CD2AP: variants seen among roughly 807,000 people sequenced by gnomAD.
CD2AP encodes CD2-associated protein.
Under a neutral mutation model 85.1 loss-of-function variants are expected in CD2AP, and 46 were observed. The observed-to-expected ratio is 0.54, with a 90% CI of 0.43 to 0.69. CD2AP has a LOEUF of 0.69. Ranked by LOEUF, CD2AP falls within the 30% of genes least tolerant of loss-of-function variation. The probability of loss-of-function intolerance (pLI) is 0.00; values close to 1 mark genes in which losing one functional copy is unlikely to be tolerated. For synonymous variants in CD2AP, 255 were observed against 252.9 expected, an observed-to-expected ratio of 1.01 and a Z score of -0.08; for missense variants, 769 against 729.5, an observed-to-expected ratio of 1.05 and a Z score of -0.62.
chr6:47,536,864 T>C (rs1346306460), intron 3 of CD2AP, among the ~76,000 whole-genome samples: 3 of 152,096 alleles, frequency 2.0e-5, no homozygotes, highest in African/African-American at 7.2e-5. Flanking sequence ...GTAAATAAAT[T>C]GACGTGTTTC....
At chr6:47,487,490 A>T (rs1262579332) in intron 1 of CD2AP, among the ~76,000 whole-genome samples, 1 of 152,162 alleles carries the variant, frequency 6.6e-6, no homozygotes, top group Non-Finnish European at 1.5e-5. Context: ...GGAGATCGAG[A>T]CCATCCTGGC....
At chr6:47,532,274 T>TGGA (rs1402547176) in intron 2 of CD2AP, among the ~76,000 whole-genome samples, 4 of 147,554 alleles carry the variant, frequency 2.7e-5, no homozygotes, top group African/African-American at 1.0e-4. Flanking sequence ...GCCCAGAAGG[T>TGGA]GGAGGCTGCA....
intron 2 of CD2AP, among the ~76,000 whole-genome samples, chr6:47,508,547 T>G (rs1211651736): frequency 3.4e-5 from 2 of 58,130 alleles, no homozygotes; most frequent in Non-Finnish European, 7.4e-5. Context: ...TTTTTTTTTG[T>G]TTTTTTTTTT....
At chr6:47,544,782 A>G in intron 4 of CD2AP, 76 bp downstream of exon 4, 1 of 886,322 alleles carries the variant, frequency 1.1e-6, no homozygotes, top group South Asian at 1.4e-5. Flanking sequence ...TAATTGTAAG[A>G]ATATTAGTCT....
chr6:47,586,123 T>A (rs1263772002), intron 11 of CD2AP, among the ~76,000 whole-genome samples: 1 of 152,098 alleles, frequency 6.6e-6, no homozygotes, highest in Non-Finnish European at 1.5e-5. Context: ...ATGGTGGAGA[T>A]AGAAGGCAAG....
rs1765714924 is a variant in CD2AP at position 47,490,913 on chromosome 6, A to C, written c.5-12367A>C. On this transcript the variant is annotated intron_variant, in intron 1 of 17. Transcript: ENST00000359314. ...TGACTAGATTTACTTATCTCTGTTGAAAAACATGTAAGAAATGCTGCTTAT... is the reference window on the plus strand; with the variant it reads ...TGACTAGATTTACTTATCTCTGTTGCAAAACATGTAAGAAATGCTGCTTAT... 2.0e-5 allele frequency among the ~76,000 whole-genome samples: 3 copies of C among 152,160 alleles called. No homozygotes were observed. The South Asian group carries it at 6.2e-4, about 31-fold the overall frequency.
intron 5 of CD2AP, among the ~76,000 whole-genome samples, chr6:47,558,099 GA>G (rs1282505958): frequency 1.3e-5 from 2 of 152,106 alleles, no homozygotes; most frequent in East Asian, 1.9e-4. Context: ...TTGTGAATGG[GA>G]GTTTGCTCAT....
At chr6:47,522,362 C>A (rs949155113) in intron 2 of CD2AP, among the ~76,000 whole-genome samples, 1 of 152,158 alleles carries the variant, frequency 6.6e-6, no homozygotes, top group Non-Finnish European at 1.5e-5. Context: ...AACAGTGAAG[C>A]AGTTTGTTTT....
intron 2 of CD2AP, among the ~76,000 whole-genome samples, chr6:47,512,335 C>T (rs1190665148): frequency 6.6e-6 from 1 of 152,082 alleles, no homozygotes; most frequent in Admixed American, 6.6e-5. Flanking sequence ...GAACGAGACT[C>T]TGTCTCAAAA....
chr6:47,561,815 C>T (rs1026305066), intron 5 of CD2AP, among the ~76,000 whole-genome samples: 7 of 152,294 alleles, frequency 4.6e-5, no homozygotes, highest in Admixed American at 2.6e-4. Flanking sequence ...GAGTCTCGCT[C>T]TGTCACACAG....
At chr6:47,596,598 C>CT (rs1399165505) in intron 12 of CD2AP, among the ~76,000 whole-genome samples, 9 of 151,998 alleles carry the variant, frequency 5.9e-5, no homozygotes, top group Non-Finnish European at 8.8e-5. Flanking sequence ...GGCTTGCTTT[C>CT]TTTTTTTATG....
At chr6:47,609,073 C>T (rs765923743) in intron 15 of CD2AP, 50 bp from the exon 16 acceptor site, 11 of 1,356,154 alleles carry the variant, frequency 8.1e-6, no homozygotes, top group Middle Eastern at 2.6e-4. Context: ...ATCTTTCGAA[C>T]GTAAATATAA....
At chr6:47,502,702 C>T (rs1317046689) in intron 1 of CD2AP, among the ~76,000 whole-genome samples, 3 of 151,834 alleles carry the variant, frequency 2.0e-5, no homozygotes, top group South Asian at 2.1e-4. Flanking sequence ...CCAGGTTGGC[C>T]GGGGTGGTCT....
chr6:47,570,141 C>T (rs1768110116), intron 5 of CD2AP, among the ~76,000 whole-genome samples: 1 of 146,994 alleles, frequency 6.8e-6, no homozygotes, highest in Admixed American at 6.8e-5. Context: ...CATCAGATTT[C>T]TTTTTTTTTT....
chr6:47,611,582 T>TA (rs2114153027), intron 16 of CD2AP, among the ~76,000 whole-genome samples: 1 of 152,038 alleles, frequency 6.6e-6, no homozygotes, highest in Non-Finnish European at 1.5e-5. Flanking sequence ...ATTCCTTCCT[T>TA]ATGTATTTTT....
In CD2AP at chr6:47,580,587, T is replaced by C. The variant is rs12203295; in HGVS notation, c.1009-277T>C. On this transcript the variant is annotated intron_variant, in intron 9 of 17. Coordinates refer to ENST00000359314, the MANE Select transcript of CD2AP (RefSeq NM_012120.3). ...CCTAGGGGAGGCAGAGCAGAACATT[T>C]TTGCTCATTAAGATTTTTAAGGTTT... 0.044 allele frequency among the ~76,000 whole-genome samples: 6,702 copies of C among 152,248 alleles called. 211 individuals are homozygous for C. The highest frequency in any genetic ancestry group is 0.073 in the Non-Finnish European group (4,981 of 68,008).
intron 4 of CD2AP, among the ~76,000 whole-genome samples, chr6:47,546,827 AT>A (rs1443461908): frequency 2.0e-5 from 3 of 152,196 alleles, no homozygotes; most frequent in Non-Finnish European, 4.4e-5. Context: ...TTAACAGCAG[AT>A]TTCTCAGCAG....
At chr6:47,488,743 T>C (rs1175489240) in intron 1 of CD2AP, among the ~76,000 whole-genome samples, 1 of 142,588 alleles carries the variant, frequency 7.0e-6, no homozygotes, top group African/African-American at 2.6e-5. Flanking sequence ...AAAAAAGAGA[T>C]AGCCAGGTGT....
At chr6:47,520,033 G>T (rs547547474) in intron 2 of CD2AP, among the ~76,000 whole-genome samples, 2 of 151,642 alleles carry the variant, frequency 1.3e-5, no homozygotes, top group Non-Finnish European at 2.9e-5. Context: ...AACAAATTTT[G>T]TTAGGTCTTT....
Sources: allele counts gnomAD v4.1 joint callset (sites outside exome capture counted in the v4.1 genomes callset), GRCh38; gene constraint gnomAD v4.1.1; transcripts MANE v1.5; gene names NCBI Gene and HGNC (gene_info 2026-07-23, HGNC 2026-07-21).